Variants in TM4SF18 observed in about 807,000 individuals in gnomAD.
TM4SF18 encodes the protein transmembrane 4 L6 family member 18.
In TM4SF18, 22 loss-of-function variants were observed where a neutral mutation model predicts 23.8. The observed-to-expected ratio is 0.92, with a 90% confidence interval of 0.66 to 1.32. The LOEUF is 1.32. Among genes scored for constraint, TM4SF18 ranks in the 40% most tolerant of loss-of-function variants. The pLI is 0.00. For missense variants in TM4SF18, 255 were observed against 240.3 expected, an observed-to-expected ratio of 1.06 and a Z score of -0.41; for synonymous variants, 87 against 87.9, an observed-to-expected ratio of 0.99 and a Z score of 0.06.
rs1343843938 is a variant in TM4SF18 at position 149,321,368 on chromosome 3, A to C, written c.*110T>G. The C allele has an allele frequency of 1.3e-6, 1 of 797,056 alleles. No individual in the cohort carries two copies. The highest frequency in any genetic ancestry group is 3.0e-5 in the Admixed American group (1 of 33,574). 49.4% of individuals were successfully genotyped at this position (797,056 alleles called of 1,614,324 possible). A position where few individuals can be genotyped will look rare whatever the true frequency, so the allele number is the denominator to read the frequency against. On this transcript the variant is annotated 3_prime_UTR_variant, in exon 6 of 6. Transcript: ENST00000296059. ...GACTGCAAATTTTTTACAAATAAAC[A>C]CCAAATGCAGAAAGCACCATCATTT... is the stretch of plus-strand genomic sequence containing the variant.
chr3:149,323,185 A>G (rs920609051), intron 4 of TM4SF18, among the ~76,000 whole-genome samples: 1 of 152,088 alleles, frequency 6.6e-6, no homozygotes, highest in African/African-American at 2.4e-5. Context: ...GGCATGAGCC[A>G]CCGCGCCTGG....
intron 3 of TM4SF18, 129 bp downstream of exon 3, chr3:149,330,201 A>G (rs1347428006): frequency 4.6e-6 from 2 of 437,768 alleles, no homozygotes; most frequent in African/African-American, 4.1e-5. Context: ...CTTGGCAGTA[A>G]ACTCTTGATC....
chr3:149,330,349 TTTTCACTCTGGCAACA>T lies in TM4SF18; in HGVS notation c.232_247del (p.Cys78ThrfsTer7), dbSNP rs1731062667. ...TCTTACCACATATTTTTTGCTGCAG[TTTTCACTCTGGCAACA>T]TTTATAGTTGTTATTATTCTCCAGT... On this transcript the variant is annotated frameshift_variant, in exon 3 of 6. Transcript: ENST00000296059. LOFTEE classifies it high-confidence loss of function. 5 of 1,612,358 alleles carry T rather than the reference TTTTCACTCTGGCAACA, an allele frequency of 3.1e-6. No individual in the cohort carries two copies. Among genetic ancestry groups the T allele is most frequent in the Non-Finnish European group, 3.4e-6 (4 of 1,179,026 alleles).
chr3:149,330,117 T>C (rs1731057180), intron 3 of TM4SF18: 1 of 368,410 alleles, frequency 2.7e-6, no homozygotes, highest in Non-Finnish European at 4.9e-6. Context: ...TTTAGGTATC[T>C]TTAAATGCTG....
At chr3:149,328,643 CTG>C (rs1353065517) in intron 3 of TM4SF18, among the ~76,000 whole-genome samples, 3 of 152,162 alleles carry the variant, frequency 2.0e-5, no homozygotes, top group Non-Finnish European at 4.4e-5. Context: ...CTACTGAAAA[CTG>C]AGAATTATTG....
rs1731010928 is a variant in TM4SF18, at chr3:149,328,627, T to C, written c.267+1703A>G. ...AGTTTTACATAAAAATCCATATTTT[T>C]ACTTTCTACTGAAAACTGAGAATTA... is the stretch of plus-strand genomic sequence containing the variant. On this transcript the variant is annotated intron_variant, in intron 3 of 5. Transcript: ENST00000296059. Among the ~76,000 whole-genome samples, 3 of 152,242 alleles carry C rather than the reference T, an allele frequency of 2.0e-5. No homozygotes were observed. In the South Asian group the frequency reaches 6.2e-4, roughly 31 times the overall value.
chr3:149,322,531 T>C (rs972562120), intron 4 of TM4SF18, 95 bp from the exon 5 acceptor site: 3 of 1,018,294 alleles, frequency 2.9e-6, no homozygotes, highest in African/African-American at 3.3e-5. Context: ...AACTAAAATA[T>C]ATAGTTATTA....
At chr3:149,330,207 TG>T in intron 3 of TM4SF18, 122 bp downstream of exon 3, 1 of 453,726 alleles carries the variant, frequency 2.2e-6, no homozygotes, top group South Asian at 9.3e-5. Flanking sequence ...AGTAAACTCT[TG>T]ATCTCTGTAC....
In TM4SF18 at chr3:149,333,582, G is replaced by A. The variant is rs752971347; in HGVS notation, c.-87C>T. 17 of 422,348 alleles carry A rather than the reference G, an allele frequency of 4.0e-5. No individual in the cohort carries two copies. Among genetic ancestry groups the A allele is most frequent in the South Asian group, 8.4e-5 (1 of 11,848 alleles). The allele number at this position is 422,348 out of a possible 1,614,324, so 26.2% of individuals were successfully genotyped here. A position where few individuals can be genotyped will look rare whatever the true frequency, so the allele number is the denominator to read the frequency against. On this transcript the variant is annotated 5_prime_UTR_variant, in exon 1 of 6. Transcript: ENST00000296059. Reference sequence around the variant, plus strand: ...GGGGAATTGGAATATACCCGCAGCCGACAATCTCAGTGTGAAATACTGGTT... The same window carrying A: ...GGGGAATTGGAATATACCCGCAGCCAACAATCTCAGTGTGAAATACTGGTT...
chr3:149,324,907 T>C lies in TM4SF18; in HGVS notation c.383A>G (p.Glu128Gly). The change falls in exon 4 of 6, where the codon GAG (glutamate) becomes GGG (glycine). Residue 128 changes from glutamate (E) to glycine (G), a missense_variant. By Grantham distance (98) the Glu-to-Gly change is moderately conservative (BLOSUM62 -2). Transcript: ENST00000296059. ...TCCAGCAGTGCCTTCAAAAGCATAC[T>C]CCCAGCCATCAAGGGTGCGGCAATA... ...GPYCRTLDGWEYAFEGTAGRF... is the reference protein window; with the variant it reads ...GPYCRTLDGWGYAFEGTAGRF... 6.2e-7 allele frequency: 1 copy of C among 1,614,078 alleles called. No individual in the cohort carries two copies. Among genetic ancestry groups the C allele is most frequent in the Non-Finnish European group, 8.5e-7 (1 of 1,180,004 alleles).
At chr3:149,322,514 A>G in intron 4 of TM4SF18, 78 bp from the exon 5 acceptor site, 1 of 1,205,366 alleles carries the variant, frequency 8.3e-7, no homozygotes, top group Non-Finnish European at 1.2e-6. Context: ...TTGAGAAATT[A>G]CTGTATAACT....
intron 5 of TM4SF18, 87 bp from the exon 6 acceptor site, chr3:149,321,579 A>G: frequency 6.1e-6 from 5 of 818,222 alleles, no homozygotes; most frequent in Non-Finnish European, 9.7e-6. Flanking sequence ...ACTTAAACTT[A>G]TATTTCATAT....
At chr3:149,325,198 T>C (rs796152785) in intron 3 of TM4SF18, among the ~76,000 whole-genome samples, 176 bp from the exon 4 acceptor site, 43 of 152,236 alleles carry the variant, frequency 2.8e-4, no homozygotes, top group African/African-American at 1.0e-3. Context: ...ATCTTAAAAA[T>C]AAGCTTTTAA....
chr3:149,319,184 T>C lies in TM4SF18; in HGVS notation c.*2294A>G, dbSNP rs1730748137. On this transcript the variant is annotated 3_prime_UTR_variant, in exon 6 of 6. Transcript: ENST00000296059. ...GAATCTAAACAAGAGATAGACAGTCTGAAAGTATATAACAAACTGATGAAG... is the reference window on the plus strand; with the variant it reads ...GAATCTAAACAAGAGATAGACAGTCCGAAAGTATATAACAAACTGATGAAG... The C allele has an allele frequency of 6.6e-6, 1 of 152,202 alleles. No homozygotes were observed. Among genetic ancestry groups the C allele is most frequent in the Admixed American group, 6.6e-5 (1 of 15,258 alleles). The allele number at this position is 152,202 out of a possible 1,614,324, so 9.4% of individuals were successfully genotyped here. A position where few individuals can be genotyped will look rare whatever the true frequency, so the allele number is the denominator to read the frequency against.
chr3:149,321,639 G>T, intron 5 of TM4SF18, 147 bp from the exon 6 acceptor site: 1 of 507,330 alleles, frequency 2.0e-6, no homozygotes, highest in Non-Finnish European at 3.5e-6. Flanking sequence ...TGCTAGGAAA[G>T]GTATTACACA....
chr3:149,324,711 T>A, intron 4 of TM4SF18, 169 bp downstream of exon 4: 1 of 772,516 alleles, frequency 1.3e-6, no homozygotes, highest in Non-Finnish European at 2.1e-6. Context: ...TAAACAAAGA[T>A]CTGTGCAAGA....
In TM4SF18 at chr3:149,322,402, G is replaced by C. The variant is rs756432341; in HGVS notation, c.445C>G (p.Leu149Val). 1.2e-6 allele frequency: 2 copies of C among 1,614,016 alleles called. No individual in the cohort carries two copies. The highest frequency in any genetic ancestry group is 1.7e-6 in the Non-Finnish European group (2 of 1,179,978). Residue 149 changes from leucine to valine, a missense_variant, in exon 5 of 6, where the codon CTG becomes GTG. Leu to Val is a conservative substitution (Grantham distance 32). Transcript: ENST00000296059. ...LTDSSIWIQC[L>V]EPAHVVEWNI... ...CACTCCACAACATGTGCAGGTTCCA[G>C]GCACTGAATCCATATGCTAGAATCT... is the stretch of plus-strand genomic sequence containing the variant.
intron 3 of TM4SF18, among the ~76,000 whole-genome samples, chr3:149,325,946 C>T (rs1191184009): frequency 6.6e-6 from 1 of 152,084 alleles, no homozygotes; most frequent in Non-Finnish European, 1.5e-5. Flanking sequence ...TGCTTTCTCT[C>T]TTTCTCTGTG....
chr3:149,333,206 C>CATG lies in TM4SF18; in HGVS notation c.174_176dup (p.Ile58dup), dbSNP rs760414941. On this transcript the variant is annotated inframe_insertion and splice_region_variant, in exon 2 of 6. Transcript: ENST00000296059. ...CCCAAGTCTCCAAATTCATACTTACCATGATGCCTGAGAAACAGATTCCTT... is the reference window on the plus strand; with the variant it reads ...CCCAAGTCTCCAAATTCATACTTACCATGATGATGCCTGAGAAACAGATTCCTT... The CATG allele has an allele frequency of 1.2e-6, 2 of 1,608,942 alleles. No individual in the cohort carries two copies. Among genetic ancestry groups the CATG allele is most frequent in the South Asian group, 2.2e-5 (2 of 89,726 alleles).
Sources: allele counts gnomAD v4.1 joint callset (sites outside exome capture counted in the v4.1 genomes callset), GRCh38; gene constraint gnomAD v4.1.1; transcripts MANE v1.5; gene names NCBI Gene and HGNC (gene_info 2026-07-23, HGNC 2026-07-21).